ERAP1: variants seen among roughly 807,000 people sequenced by gnomAD.
ERAP1 encodes the protein adipocyte-derived leucine aminopeptidase.
ERAP1 carries 86 observed loss-of-function variants against 103.7 expected under a neutral mutation model. That is an observed-to-expected ratio of 0.83 (90% CI 0.70 to 0.99). ERAP1 has a LOEUF of 0.99. Ranked by LOEUF, ERAP1 falls within the 50% of genes least tolerant of loss-of-function variation. The pLI, the probability that ERAP1 is intolerant of heterozygous loss-of-function variation, is 0.00. For synonymous variants in ERAP1, 398 were observed against 402.4 expected (o/e 0.99, Z 0.13); for missense variants, 1,009 against 1,128.4 (o/e 0.89, Z 1.52).
chr5:96,785,678 C>A, intron 13 of ERAP1, 110 bp downstream of exon 13: 1 of 1,238,866 alleles, frequency 8.1e-7, no homozygotes, highest in South Asian at 1.3e-5. Context: ...AAGGAAAACA[C>A]CTTTCAACTT....
At chr5:96,773,877 G>C (rs1033936161), downstream of ERAP1, 1 of 152,232 alleles carries the variant, frequency 6.6e-6, no homozygotes, top group Admixed American at 6.6e-5. Context: ...TGAAGCTTTT[G>C]TTATGACTTA....
At chr5:96,815,720 CT>C in the ERAP1 span, among the ~76,000 whole-genome samples, 3 of 151,826 alleles carry the variant, frequency 2.0e-5, no homozygotes, top group African/African-American at 4.8e-5. Context: ...GTTTTTAATT[CT>C]TTTTTTTCTT....
the ERAP1 span, among the ~76,000 whole-genome samples, chr5:96,926,826 G>GC: frequency 6.6e-6 from 1 of 151,938 alleles, no homozygotes; most frequent in Non-Finnish European, 1.5e-5. Context: ...TTGTTTGTTT[G>GC]TTTGTTTCAA....
chr5:96,785,121 T>C (rs1775813789), intron 13 of ERAP1: 1 of 154,362 alleles, frequency 6.5e-6, no homozygotes, highest in Non-Finnish European at 1.4e-5. Context: ...TCTTAGGACT[T>C]TAGGTCTGCC....
the ERAP1 span, chr5:96,909,779 C>A: frequency 3.1e-6 from 5 of 1,609,570 alleles, no homozygotes; most frequent in Non-Finnish European, 4.2e-6. Flanking sequence ...ATGTAGACTT[C>A]TGTCCTACCC....
At chr5:96,813,698 G>A in the ERAP1 span, among the ~76,000 whole-genome samples, 2 of 142,042 alleles carry the variant, frequency 1.4e-5, no homozygotes, top group Admixed American at 7.1e-5. Flanking sequence ...CCTGCATAAG[G>A]CATCTTCATA....
chr5:96,893,440 C>G, the ERAP1 span, among the ~76,000 whole-genome samples: 1 of 152,174 alleles, frequency 6.6e-6, no homozygotes, highest in Non-Finnish European at 1.5e-5. Context: ...CACTGTGCTT[C>G]GAGAACACAT....
At position 96,786,453 on chromosome 5, in the gene ERAP1, T is replaced by C. The variant is rs368993850; in HGVS notation, c.1759+17A>G. The C allele has an allele frequency of 4.5e-6, 7 of 1,549,904 alleles. No individual in the cohort carries two copies. The African/African-American group carries it at 8.1e-5, about 18-fold the overall frequency. The stretch of plus-strand genomic sequence containing the variant: ...CATTCCTCCTTGAATTAACTAGTAG[T>C]TTCCAAAATAAATTACCTGTTTTTG... On this transcript the variant is annotated intron_variant, in intron 12 of 18. Transcript: ENST00000443439.
chr5:96,841,408 C>T, the ERAP1 span, among the ~76,000 whole-genome samples: 1 of 152,270 alleles, frequency 6.6e-6, no homozygotes, highest in East Asian at 1.9e-4. Flanking sequence ...TAGAGCCTAG[C>T]CATACTGTTC....
the ERAP1 span, among the ~76,000 whole-genome samples, chr5:96,826,435 T>C: frequency 6.6e-6 from 1 of 152,216 alleles, no homozygotes; most frequent in Admixed American, 6.5e-5. Flanking sequence ...TTCCTTAAGC[T>C]TTATTTTTAA....
chr5:96,872,603 A>C, the ERAP1 span, among the ~76,000 whole-genome samples: 1 of 152,180 alleles, frequency 6.6e-6, no homozygotes, highest in African/African-American at 2.4e-5. Flanking sequence ...TGTCCCAAAA[A>C]ACAAAAAATA....
chr5:96,776,115 C>G lies in ERAP1; in HGVS notation c.*281G>C, dbSNP rs1325625953. The stretch of plus-strand genomic sequence containing the variant: ...TTGGACACGGGTGCTTAAGCATAAA[C>G]TATAAAATGAGAAGAATAAGGTACT... On this transcript the variant is annotated 3_prime_UTR_variant, in exon 19 of 19. Transcript: ENST00000443439. The G allele has an allele frequency of 2.9e-6, 4 of 1,382,220 alleles. No homozygotes were observed. Among genetic ancestry groups the G allele is most frequent in the Non-Finnish European group, 3.8e-6 (4 of 1,050,942 alleles). The allele number at this position is 1,382,220 out of a possible 1,614,324, so 85.6% of individuals were successfully genotyped here. A position where few individuals can be genotyped will look rare whatever the true frequency, so the allele number is the denominator to read the frequency against.
In ERAP1 at chr5:96,797,183, C is replaced by T. The variant is rs1207103105; in HGVS notation, c.790G>A (p.Gly264Arg). ...FESVSKITKSGVKVSVYAVPD... is the reference protein window; with the variant it reads ...FESVSKITKSRVKVSVYAVPD... Reference sequence around the variant, plus strand: ...GACAGTCATAGGCTCACCTTGACTCCACTCTTGGTTATCTTGCTGACAGAC... The same window carrying T: ...GACAGTCATAGGCTCACCTTGACTCTACTCTTGGTTATCTTGCTGACAGAC... Residue 264 changes from glycine (G) to arginine (R), a missense_variant, in exon 4 of 19, where the codon GGA (glycine) becomes AGA (arginine). Physicochemically the swap from Gly to Arg is moderately radical, Grantham distance 125 (BLOSUM62 -2). Transcript: ENST00000443439. 1.9e-6 allele frequency: 3 copies of T among 1,613,994 alleles called. No individual in the cohort carries two copies. Among genetic ancestry groups the T allele is most frequent in the African/African-American group, 2.7e-5 (2 of 74,908 alleles).
chr5:96,850,489 T>C, the ERAP1 span, among the ~76,000 whole-genome samples: 5 of 152,190 alleles, frequency 3.3e-5, no homozygotes. Context: ...TATGAAAACA[T>C]GTTCAACATC....
the ERAP1 span, among the ~76,000 whole-genome samples, chr5:96,832,918 T>C: frequency 1.3e-5 from 2 of 152,176 alleles, no homozygotes; most frequent in African/African-American, 4.8e-5. Flanking sequence ...CCTTTGAGAC[T>C]AATTAGGTCA....
Position 96,790,367 on chromosome 5 carries a change from TC to T in ERAP1, c.1453-1del. 1 of 1,613,938 alleles carries T rather than the reference TC, an allele frequency of 6.2e-7. No individual in the cohort carries two copies. Among genetic ancestry groups the T allele is most frequent in the Non-Finnish European group, 8.5e-7 (1 of 1,179,942 alleles). ...CCTTTTACACCATCTGTAGGGCAAA[TC>T]TAAAAACCAAAAATAAACACATCAC... On this transcript the variant is annotated splice_acceptor_variant, in intron 9 of 18. Transcript: ENST00000443439. LOFTEE classifies it high-confidence loss of function.
At chr5:96,798,999 C>A (rs1777680842) in intron 3 of ERAP1, among the ~76,000 whole-genome samples, 1 of 151,754 alleles carries the variant, frequency 6.6e-6, no homozygotes, top group South Asian at 2.1e-4. Context: ...CCCCAAGTAG[C>A]TAAGATTACA....
chr5:96,805,765 C>A (rs1778530929), intron 1 of ERAP1: 2 of 152,244 alleles, frequency 1.3e-5, no homozygotes. Flanking sequence ...GCAGCAACAG[C>A]TTAATGAGCA....
chr5:96,902,354 G>A, the ERAP1 span: 9 of 1,599,520 alleles, frequency 5.6e-6, no homozygotes, highest in African/African-American at 5.4e-5. Flanking sequence ...TCAAAGACAG[G>A]TAATGAACTA....
Sources: allele counts gnomAD v4.1 joint callset (sites outside exome capture counted in the v4.1 genomes callset), GRCh38; gene constraint gnomAD v4.1.1; transcripts MANE v1.5; gene names NCBI Gene and HGNC (gene_info 2026-07-23, HGNC 2026-07-21).